Variants in CLSTN2 observed in about 807,000 individuals in gnomAD.
CLSTN2 encodes calsyntenin 2, also known as calsyntenin-2.
In CLSTN2, 48 loss-of-function variants were observed where a neutral mutation model predicts 101.2. The observed-to-expected ratio is 0.47, with a 90% CI of 0.38 to 0.60. The LOEUF is 0.60. Ranked by LOEUF, CLSTN2 falls within the 20% of genes least tolerant of loss-of-function variation. The pLI, the probability that CLSTN2 is intolerant of heterozygous loss-of-function variation, is 0.00. For synonymous variants in CLSTN2, 481 were observed against 463.6 expected, an observed-to-expected ratio of 1.04 and a Z score of -0.48; for missense variants, 1,160 against 1,238.2, an observed-to-expected ratio of 0.94 and a Z score of 0.95.
intron 1 of CLSTN2, among the ~76,000 whole-genome samples, chr3:140,121,866 G>C (rs1560101412): frequency 6.6e-6 from 1 of 152,122 alleles, no homozygotes; most frequent in Non-Finnish European, 1.5e-5. Context: ...GGAGGACTAC[G>C]CTGCCAACAC....
chr3:140,329,501 C>T (rs2087361603), intron 2 of CLSTN2, among the ~76,000 whole-genome samples: 2 of 152,174 alleles, frequency 1.3e-5, no homozygotes, highest in Non-Finnish European at 2.9e-5. Context: ...TGTCTGCTTC[C>T]TGTGCTGTGT....
intron 2 of CLSTN2, among the ~76,000 whole-genome samples, chr3:140,316,186 A>G (rs184642982): frequency 5.3e-5 from 8 of 152,242 alleles, no homozygotes; most frequent in African/African-American, 1.9e-4. Context: ...GCATATGATT[A>G]CCATTCAGTG....
chr3:140,390,125 T>C (rs1323127634), intron 2 of CLSTN2, among the ~76,000 whole-genome samples: 1 of 152,072 alleles, frequency 6.6e-6, no homozygotes, highest in Non-Finnish European at 1.5e-5. Flanking sequence ...TCAAATTCCT[T>C]AGCATATTAC....
intron 2 of CLSTN2, among the ~76,000 whole-genome samples, chr3:140,270,565 T>C (rs1191722291): frequency 2.0e-5 from 3 of 152,136 alleles, no homozygotes; most frequent in Non-Finnish European, 4.4e-5. Context: ...GACTCACACA[T>C]TGGACCAGTA....
At chr3:140,466,804 G>A (rs1933716604) in intron 8 of CLSTN2, 73 bp downstream of exon 8, 7 of 1,595,444 alleles carry the variant, frequency 4.4e-6, no homozygotes, top group Non-Finnish European at 5.1e-6. Context: ...AATGGTGATG[G>A]CAGTGGGGAG....
At chr3:140,420,679 T>C (rs527616811) in intron 4 of CLSTN2, among the ~76,000 whole-genome samples, 6 of 152,366 alleles carry the variant, frequency 3.9e-5, no homozygotes, top group African/African-American at 1.4e-4. Context: ...GCAGTGAACA[T>C]TCCTGGCGAC....
At chr3:140,313,591 T>C (rs1001793102) in intron 2 of CLSTN2, among the ~76,000 whole-genome samples, 9 of 152,022 alleles carry the variant, frequency 5.9e-5, no homozygotes, top group Admixed American at 1.3e-4. Context: ...AAATGGGTAA[T>C]AAAGTTGTAG....
chr3:140,000,752 A>G (rs550590080), intron 1 of CLSTN2, among the ~76,000 whole-genome samples: 1 of 152,234 alleles, frequency 6.6e-6, no homozygotes, highest in East Asian at 1.9e-4. Context: ...TAGATTTCTC[A>G]TCTTGCTCTT....
intron 2 of CLSTN2, among the ~76,000 whole-genome samples, chr3:140,202,703 G>C (rs1042968275): frequency 6.6e-6 from 1 of 152,204 alleles, no homozygotes; most frequent in Non-Finnish European, 1.5e-5. Flanking sequence ...CAAGAGAAGA[G>C]ATAGGATGAG....
At chr3:140,406,742 T>C (rs1463578498) in intron 4 of CLSTN2, among the ~76,000 whole-genome samples, 1 of 152,208 alleles carries the variant, frequency 6.6e-6, no homozygotes, top group East Asian at 1.9e-4. Context: ...GCTTTGGAAT[T>C]TGGGGAGTGA....
At chr3:140,442,110 A>G (rs1441991641) in intron 5 of CLSTN2, among the ~76,000 whole-genome samples, 2 of 151,966 alleles carry the variant, frequency 1.3e-5, no homozygotes, top group Non-Finnish European at 2.9e-5. Flanking sequence ...ATATATTCTG[A>G]TGTTTTGACA....
At chr3:139,994,270 A>G (rs1576390264) in intron 1 of CLSTN2, among the ~76,000 whole-genome samples, 1 of 152,208 alleles carries the variant, frequency 6.6e-6, no homozygotes, top group Admixed American at 6.5e-5. Flanking sequence ...GCCTATACCT[A>G]GCCACATTTT....
At chr3:140,163,542 C>T (rs1256887636) in intron 1 of CLSTN2, among the ~76,000 whole-genome samples, 1 of 151,940 alleles carries the variant, frequency 6.6e-6, no homozygotes, top group Non-Finnish European at 1.5e-5. Context: ...ATTCCCCAGT[C>T]CACTTTAGTC....
chr3:140,381,878 G>C lies in CLSTN2; in HGVS notation c.233-21751G>C, dbSNP rs114968845. Among the ~76,000 whole-genome samples, 716 of 152,266 alleles carry C rather than the reference G, an allele frequency of 4.7e-3. 9 individuals carry two copies. Among genetic ancestry groups the C allele is most frequent in the African/African-American group, 0.016 (678 of 41,546 alleles). The stretch of plus-strand genomic sequence containing the variant: ...AGTCTGCCAAATATTGGAAAACAAG[G>C]GTTCTTCAAAGAATAAATCTGGGGT... On this transcript the variant is annotated intron_variant, in intron 2 of 16. Transcript: ENST00000458420.
chr3:140,270,816 C>T (rs111824734), intron 2 of CLSTN2, among the ~76,000 whole-genome samples: 166 of 152,244 alleles, frequency 1.1e-3, no homozygotes, highest in African/African-American at 3.5e-3. Context: ...TTTACCTAGT[C>T]GCTGGTAGCA....
chr3:140,407,756 A>C (rs1260867494), intron 4 of CLSTN2, among the ~76,000 whole-genome samples: 1 of 152,192 alleles, frequency 6.6e-6, no homozygotes, highest in Admixed American at 6.5e-5. Flanking sequence ...TTCTGAGATA[A>C]GTAGAGCTTG....
chr3:140,355,739 A>G (rs1301831530), intron 2 of CLSTN2, among the ~76,000 whole-genome samples: 1 of 152,206 alleles, frequency 6.6e-6, no homozygotes, highest in Non-Finnish European at 1.5e-5. Context: ...TGGGGATGCC[A>G]TGGCTGTATC....
At chr3:140,219,385 C>T (rs2086244255) in intron 2 of CLSTN2, among the ~76,000 whole-genome samples, 1 of 152,028 alleles carries the variant, frequency 6.6e-6, no homozygotes, top group South Asian at 2.1e-4. Context: ...TTAATTAAAG[C>T]CCAGGGCTTT....
chr3:140,025,203 C>G (rs1396067318), intron 1 of CLSTN2, among the ~76,000 whole-genome samples: 1 of 152,180 alleles, frequency 6.6e-6, no homozygotes, highest in East Asian at 1.9e-4. Flanking sequence ...TGTTTACTCT[C>G]TTGGATACAT....
Sources: allele counts gnomAD v4.1 joint callset (sites outside exome capture counted in the v4.1 genomes callset), GRCh38; gene constraint gnomAD v4.1.1; transcripts MANE v1.5; gene names NCBI Gene and HGNC (gene_info 2026-07-23, HGNC 2026-07-21).